Variants in PAQR5 observed in about 807,000 individuals in gnomAD.
PAQR5 encodes the protein membrane progestin receptor gamma.
A neutral mutation model predicts 34.5 loss-of-function variants in PAQR5; 20 were observed. That is an observed-to-expected ratio of 0.58 (90% CI 0.41 to 0.84). PAQR5 has a LOEUF of 0.84. PAQR5 is among the 40% of genes least tolerant of loss of function. The probability of loss-of-function intolerance (pLI) is 0.00; values close to 1 mark genes in which losing one functional copy is unlikely to be tolerated. For synonymous variants in PAQR5, 131 were observed against 155.6 expected, an observed-to-expected ratio of 0.84 and a Z score of 1.18; for missense variants, 378 against 412.7, an observed-to-expected ratio of 0.92 and a Z score of 0.73.
At chr15:69,378,121 G>A (rs1336582081) in intron 3 of PAQR5, among the ~76,000 whole-genome samples, 4 of 151,628 alleles carry the variant, frequency 2.6e-5, no homozygotes, top group South Asian at 2.1e-4. Flanking sequence ...AAAATTAGTC[G>A]GGCATTGTGG....
chr15:69,376,551 C>G (rs763936318), intron 3 of PAQR5, among the ~76,000 whole-genome samples: 10 of 152,180 alleles, frequency 6.6e-5, no homozygotes, highest in Non-Finnish European at 1.2e-4. Context: ...TTAGTCTAAG[C>G]TGGAACATCA....
At chr15:69,375,820 C>T (rs2140903099) in intron 3 of PAQR5, among the ~76,000 whole-genome samples, 1 of 152,288 alleles carries the variant, frequency 6.6e-6, no homozygotes, top group Non-Finnish European at 1.5e-5. Context: ...CGCCTGAGGT[C>T]CCCTGATCCT....
chr15:69,323,308 G>A (rs2054171362), intron 1 of PAQR5, among the ~76,000 whole-genome samples: 1 of 152,262 alleles, frequency 6.6e-6, no homozygotes, highest in Non-Finnish European at 1.5e-5. Context: ...CCCAGTGAGA[G>A]TGCTCCCACC....
rs553218762 is a variant in PAQR5 at position 69,346,902 on chromosome 15, C to T, written c.-116+9401C>T. Among the ~76,000 whole-genome samples the T allele has an allele frequency of 1.1e-3, 166 of 152,082 alleles. 2 individuals carry two copies. The highest frequency in any genetic ancestry group is 2.6e-3 in the Admixed American group (40 of 15,260). Reference sequence around the variant, plus strand: ...TGCAATCTCCACTCACTGCAAACTCCGCCTCCTGGATTCAAGCAATTCTCC... The same window carrying T: ...TGCAATCTCCACTCACTGCAAACTCTGCCTCCTGGATTCAAGCAATTCTCC... On this transcript the variant is annotated intron_variant, in intron 2 of 8. Coordinates refer to ENST00000395407, the MANE Select transcript of PAQR5 (RefSeq NM_017705.4).
At chr15:69,334,114 A>G (rs1367387478) in intron 1 of PAQR5, among the ~76,000 whole-genome samples, 2 of 151,820 alleles carry the variant, frequency 1.3e-5, no homozygotes, top group Non-Finnish European at 2.9e-5. Context: ...TGCAACCTCC[A>G]CCTCCCGGGT....
chr15:69,384,521 G>C (rs146210538), intron 4 of PAQR5, among the ~76,000 whole-genome samples, 156 bp from the exon 5 acceptor site: 19,445 of 52,484 alleles, frequency 0.37, 8,915 homozygotes, highest in South Asian at 0.59. Context: ...CCGTGTTCAT[G>C]GTGGAGGGTG....
At chr15:69,308,552 C>G (rs545694924) in intron 1 of PAQR5, among the ~76,000 whole-genome samples, 13 of 152,168 alleles carry the variant, frequency 8.5e-5, no homozygotes, top group African/African-American at 3.1e-4. Context: ...CCACACACAC[C>G]CCCTCCCTGC....
chr15:69,316,284 TTGGC>T (rs1002190307), intron 1 of PAQR5, among the ~76,000 whole-genome samples: 2 of 152,180 alleles, frequency 1.3e-5, no homozygotes, highest in African/African-American at 4.8e-5. Context: ...TTTTGCCATG[TTGGC>T]TAGGCTGATC....
intron 6 of PAQR5, among the ~76,000 whole-genome samples, chr15:69,393,041 A>G (rs1464811126): frequency 1.3e-5 from 2 of 152,004 alleles, no homozygotes; most frequent in Admixed American, 6.6e-5. Flanking sequence ...CTCAGCTTCC[A>G]TGCCCTGAGG....
chr15:69,403,664 A>G lies in PAQR5; in HGVS notation c.835A>G (p.Arg279Gly). 2 of 1,614,132 alleles carry G rather than the reference A, an allele frequency of 1.2e-6. No homozygotes were observed. The highest frequency in any genetic ancestry group is 1.7e-6 in the Non-Finnish European group (2 of 1,180,008). Residue 279 changes from arginine to glycine, a missense_variant, in exon 9 of 9, where the codon AGG becomes GGG. By Grantham distance (125) the Arg-to-Gly change is moderately radical. Coordinates refer to ENST00000395407, the MANE Select transcript of PAQR5 (RefSeq NM_017705.4). ...MEAILLDKTLRKEWLLATSKP... is the reference protein window; with the variant it reads ...MEAILLDKTLGKEWLLATSKP... The stretch of plus-strand genomic sequence containing the variant: ...AGCCATACTTCTGGACAAGACTCTG[A>G]GGAAGGAATGGCTCCTGGCCACCTC...
intron 1 of PAQR5, among the ~76,000 whole-genome samples, chr15:69,311,494 T>C (rs1298246228): frequency 6.6e-6 from 1 of 152,168 alleles, no homozygotes; most frequent in Non-Finnish European, 1.5e-5. Context: ...GCCCAAGTTG[T>C]TTCCATCTCC....
chr15:69,315,380 C>T (rs75318905), intron 1 of PAQR5, among the ~76,000 whole-genome samples: 2,290 of 152,214 alleles, frequency 0.015, 58 homozygotes, highest in African/African-American at 0.052. Flanking sequence ...CCAGTGAATC[C>T]CCACAGCACC....
At chr15:69,349,526 A>G (rs1054486505) in intron 2 of PAQR5, among the ~76,000 whole-genome samples, 9 of 152,176 alleles carry the variant, frequency 5.9e-5, no homozygotes, top group African/African-American at 1.9e-4. Context: ...GTAATGTTCC[A>G]GTGTGGGGAG....
intron 1 of PAQR5, among the ~76,000 whole-genome samples, chr15:69,316,589 C>T (rs949621907): frequency 1.3e-5 from 2 of 152,040 alleles, no homozygotes; most frequent in African/African-American, 2.4e-5. Flanking sequence ...ATACATTTTC[C>T]GTTTTATCTT....
chr15:69,366,933 G>T (rs1158284403), intron 3 of PAQR5, among the ~76,000 whole-genome samples: 1 of 151,916 alleles, frequency 6.6e-6, no homozygotes, highest in African/African-American at 2.4e-5. Flanking sequence ...ATTTTGTAGT[G>T]ATTATCTTTA....
intron 2 of PAQR5, among the ~76,000 whole-genome samples, chr15:69,349,319 C>G (rs910179918): frequency 1.3e-5 from 2 of 152,184 alleles, no homozygotes; most frequent in Non-Finnish European, 2.9e-5. Context: ...GACCTGCAAC[C>G]AGGCGTGAGT....
Position 69,374,563 on chromosome 15 carries a change from G to A in PAQR5, c.52-5320G>A, listed in dbSNP as rs189667616. ...ATAGTGGCATGTGCCTGTAATCCCAGCTACTCAGGAGGCTGAGGCATGAGA... is the reference window on the plus strand; with the variant it reads ...ATAGTGGCATGTGCCTGTAATCCCAACTACTCAGGAGGCTGAGGCATGAGA... On this transcript the variant is annotated intron_variant, in intron 3 of 8. Transcript: ENST00000395407. Among the ~76,000 whole-genome samples the A allele has an allele frequency of 2.0e-4, 31 of 152,290 alleles. No individual in the cohort carries two copies. The East Asian group carries it at 5.8e-3, about 28-fold the overall frequency.
At chr15:69,300,939 CTTTCTTTCCTTCTTTCTT>C (rs2053580789) in intron 1 of PAQR5, among the ~76,000 whole-genome samples, 2 of 37,278 alleles carry the variant, frequency 5.4e-5, no homozygotes, top group African/African-American at 1.6e-4. Flanking sequence ...CTCTCTCTCT[CTTTCTTTCCTTCTTTCTT>C]TCTTTCTTTC....
chr15:69,314,542 A>AT (rs1367330145), intron 1 of PAQR5: 1 of 152,266 alleles, frequency 6.6e-6, no homozygotes, highest in African/African-American at 2.4e-5. Flanking sequence ...TATCTGGACC[A>AT]TTCCCCCCCA....
Sources: allele counts gnomAD v4.1 joint callset (sites outside exome capture counted in the v4.1 genomes callset), GRCh38; gene constraint gnomAD v4.1.1; transcripts MANE v1.5; gene names NCBI Gene and HGNC (gene_info 2026-07-23, HGNC 2026-07-21).